The following ACOXL variants were observed in gnomAD, a reference collection of about 807,000 sequenced individuals.
The protein encoded by ACOXL is acyl-CoA oxidase like, also known as acyl-coenzyme A oxidase-like protein.
Under a neutral mutation model 71.9 loss-of-function variants are expected in ACOXL, and 70 were observed. That is an observed-to-expected ratio of 0.97 (90% CI 0.80 to 1.19). ACOXL has a LOEUF of 1.19. Among genes scored for constraint, ACOXL ranks in the 50% most tolerant of loss-of-function variants. The pLI, the probability that ACOXL is intolerant of heterozygous loss-of-function variation, is 0.00. For missense variants in ACOXL, 703 were observed against 736.3 expected (o/e 0.95, Z 0.52); for synonymous variants, 253 against 281.6 (o/e 0.90, Z 1.02).
chr2:111,039,546 A>G (rs1230599873), intron 15 of ACOXL, among the ~76,000 whole-genome samples: 4 of 152,192 alleles, frequency 2.6e-5, no homozygotes, highest in African/African-American at 9.7e-5. Context: ...CCAGTATTTC[A>G]CCTTTGTCTA....
At chr2:110,830,425 T>C (rs529847828) in intron 9 of ACOXL, among the ~76,000 whole-genome samples, 1 of 152,240 alleles carries the variant, frequency 6.6e-6, no homozygotes, top group South Asian at 2.1e-4. Flanking sequence ...CCACAATAAA[T>C]CTATTGCATT....
intron 1 of ACOXL, among the ~76,000 whole-genome samples, chr2:110,740,705 A>G (rs1409240876): frequency 6.6e-6 from 1 of 152,248 alleles, no homozygotes; most frequent in Non-Finnish European, 1.5e-5. Flanking sequence ...GGCAGTTGAG[A>G]GAGCTAAGGA....
intron 9 of ACOXL, among the ~76,000 whole-genome samples, chr2:110,816,651 A>G (rs573468866): frequency 6.6e-6 from 1 of 152,188 alleles, no homozygotes; most frequent in African/African-American, 2.4e-5. Context: ...CTGGAGTGCT[A>G]TTCTAGGTGG....
chr2:110,991,814 C>A (rs2063186279), intron 13 of ACOXL, among the ~76,000 whole-genome samples: 1 of 152,098 alleles, frequency 6.6e-6, no homozygotes, highest in African/African-American at 2.4e-5. Context: ...TAAATGTCTC[C>A]ATTTGTCTTC....
At chr2:110,798,866 A>G in intron 6 of ACOXL, 142 bp downstream of exon 6, 2 of 1,141,966 alleles carry the variant, frequency 1.8e-6, no homozygotes, top group Non-Finnish European at 2.6e-6. Context: ...GAAATTTATC[A>G]TTACATTTTG....
chr2:110,905,676 A>G (rs1211317092), intron 10 of ACOXL, among the ~76,000 whole-genome samples: 1 of 152,152 alleles, frequency 6.6e-6, no homozygotes, highest in African/African-American at 2.4e-5. Context: ...GGGAGTGGAA[A>G]GGGCTCTGGC....
At chr2:110,957,531 G>C (rs2061543478) in intron 12 of ACOXL, among the ~76,000 whole-genome samples, 1 of 152,120 alleles carries the variant, frequency 6.6e-6, no homozygotes, top group Admixed American at 6.5e-5. Flanking sequence ...GTGTGGGCAG[G>C]GTTGGTCTCT....
chr2:110,779,027 T>C (rs537300809), intron 2 of ACOXL, among the ~76,000 whole-genome samples: 1 of 152,308 alleles, frequency 6.6e-6, no homozygotes, highest in South Asian at 2.1e-4. Flanking sequence ...CTAGGAATTG[T>C]AGTAAGCATG....
chr2:110,827,941 TA>T (rs1353069054), intron 9 of ACOXL, among the ~76,000 whole-genome samples: 2 of 152,252 alleles, frequency 1.3e-5, no homozygotes, highest in African/African-American at 4.8e-5. Flanking sequence ...AATATTGAGT[TA>T]AAAGTCTTAT....
At chr2:110,874,021 C>T (rs1001715665) in intron 10 of ACOXL, among the ~76,000 whole-genome samples, 1 of 152,172 alleles carries the variant, frequency 6.6e-6, no homozygotes, top group Non-Finnish European at 1.5e-5. Context: ...GACCTGAGGC[C>T]CAGAGCACTG....
intron 17 of ACOXL, among the ~76,000 whole-genome samples, chr2:111,096,040 A>G (rs2068782218): frequency 1.3e-5 from 2 of 152,098 alleles, no homozygotes; most frequent in South Asian, 4.1e-4. Flanking sequence ...GAAAGTGCTA[A>G]ATGAGAATGT....
rs1390089375 is a variant in ACOXL at position 110,974,767 on chromosome 2, T to C, written c.1060-12341T>C. 5.3e-5 allele frequency among the ~76,000 whole-genome samples: 8 copies of C among 152,342 alleles called. No individual in the cohort carries two copies. In the East Asian group the frequency reaches 1.2e-3, roughly 22 times the overall value. On this transcript the variant is annotated intron_variant, in intron 12 of 17. Coordinates refer to ENST00000439055, the MANE Select transcript of ACOXL (RefSeq NM_001142807.4). ...TGCCCATGGCAAGATATGTGCCTGC[T>C]GACGGGAAGCCTGGTAGTAATACCA...
At chr2:111,078,751 C>T (rs930340090) in intron 16 of ACOXL, among the ~76,000 whole-genome samples, 6 of 152,188 alleles carry the variant, frequency 3.9e-5, no homozygotes, top group Non-Finnish European at 8.8e-5. Flanking sequence ...TTTCTCTTCT[C>T]CTTCATATGC....
At chr2:110,900,582 G>A (rs2059195070) in intron 10 of ACOXL, among the ~76,000 whole-genome samples, 1 of 152,178 alleles carries the variant, frequency 6.6e-6, no homozygotes, top group Non-Finnish European at 1.5e-5. Context: ...CTGATCCAAA[G>A]CCTGAATTTC....
intron 17 of ACOXL, among the ~76,000 whole-genome samples, chr2:111,108,156 G>A (rs925244486): frequency 6.6e-6 from 1 of 152,048 alleles, no homozygotes; most frequent in African/African-American, 2.4e-5. Context: ...TTCTTTAAGA[G>A]ATTATATTAT....
chr2:110,767,147 G>A (rs952554268), intron 1 of ACOXL, among the ~76,000 whole-genome samples: 1 of 152,150 alleles, frequency 6.6e-6, no homozygotes, highest in Non-Finnish European at 1.5e-5. Context: ...CATATCCTCT[G>A]GCTCTGAAAT....
At chr2:110,900,874 C>T (rs2059206790) in intron 10 of ACOXL, among the ~76,000 whole-genome samples, 1 of 152,210 alleles carries the variant, frequency 6.6e-6, no homozygotes, top group Non-Finnish European at 1.5e-5. Context: ...AGGGTTATAA[C>T]ACTGGCTAGA....
intron 11 of ACOXL, among the ~76,000 whole-genome samples, chr2:110,922,393 T>C (rs2060112188): frequency 6.6e-6 from 1 of 152,208 alleles, no homozygotes; most frequent in South Asian, 2.1e-4. Context: ...ACAGTTTTTT[T>C]CTTTTTTTTC....
intron 1 of ACOXL, among the ~76,000 whole-genome samples, chr2:110,741,937 G>A (rs1321589123): frequency 6.6e-6 from 1 of 152,200 alleles, no homozygotes; most frequent in Non-Finnish European, 1.5e-5. Flanking sequence ...GCGGAGAGGT[G>A]ATTGCACGTT....
Sources: allele counts gnomAD v4.1 joint callset (sites outside exome capture counted in the v4.1 genomes callset), GRCh38; gene constraint gnomAD v4.1.1; transcripts MANE v1.5; gene names NCBI Gene and HGNC (gene_info 2026-07-23, HGNC 2026-07-21).